TMEM269: variants seen among roughly 807,000 people sequenced by gnomAD.
TMEM269 encodes the protein transmembrane protein 269.
Under a neutral mutation model 15.8 loss-of-function variants are expected in TMEM269, and 12 were observed. The observed-to-expected ratio is 0.76, with a 90% CI of 0.49 to 1.23. TMEM269 has a LOEUF of 1.23. Ranked by LOEUF, TMEM269 falls within the 50% of genes most tolerant of loss-of-function variation. The probability of loss-of-function intolerance (pLI) is 0.00; values close to 1 mark genes in which losing one functional copy is unlikely to be tolerated. For synonymous variants in TMEM269, 93 were observed against 99.3 expected (o/e 0.94, Z 0.38); for missense variants, 211 against 245.4 (o/e 0.86, Z 0.94).
Position 42,800,401 on chromosome 1 carries a change from T to C in TMEM269, c.*2176T>C, listed in dbSNP as rs1653870230. On this transcript the variant is annotated 3_prime_UTR_variant, in exon 6 of 6. Coordinates refer to ENST00000637012, the MANE Select transcript of TMEM269 (RefSeq NM_001354602.2). ...GTTTTCTAAAATAGAATGTCTCTTC[T>C]TGGGCTTCCTCTTAGGAACAAGGGA... 1 of 152,248 alleles carries C rather than the reference T, an allele frequency of 6.6e-6. No homozygotes were observed. The highest frequency in any genetic ancestry group is 2.4e-5 in the African/African-American group (1 of 41,460). The allele number at this position is 152,248 out of a possible 1,614,324, so 9.4% of individuals were successfully genotyped here.
chr1:42,790,798 G>A (rs1570504451), intron 2 of TMEM269, among the ~76,000 whole-genome samples: 2 of 152,216 alleles, frequency 1.3e-5, no homozygotes, highest in Admixed American at 1.3e-4. Context: ...GGTGCCCTGA[G>A]TATTTTTATT....
intron 5 of TMEM269, chr1:42,796,830 G>T (rs781479311): frequency 6.6e-5 from 10 of 152,118 alleles, no homozygotes; most frequent in Non-Finnish European, 1.3e-4. Context: ...ACTCCTAGAA[G>T]TGGTCTTCTA....
In TMEM269 at chr1:42,788,922, C is replaced by CTTT. The variant is rs540411407; in HGVS notation, c.-98-858_-98-856dup. 7.3e-6 allele frequency among the ~76,000 whole-genome samples: 1 copy of CTTT among 136,882 alleles called. No individual in the cohort carries two copies. The allele number at this position is 136,882 out of a possible 152,430, so 89.8% of individuals were successfully genotyped here. On this transcript the variant is annotated intron_variant, in intron 1 of 5. Coordinates refer to ENST00000637012, the MANE Select transcript of TMEM269 (RefSeq NM_001354602.2). This position sits in a 1 kb window ranked among gnomAD's most constrained non-coding sequence, Gnocchi z 4.0. ...TTTGTGAACTATTCAGTGTTGTACA[C>CTTT]TTTTTTTTTTTTTTTTTTAGACAGA...
At chr1:42,794,043 A>T (rs1471784910) in intron 4 of TMEM269, among the ~76,000 whole-genome samples, 1 of 152,226 alleles carries the variant, frequency 6.6e-6, no homozygotes, top group African/African-American at 2.4e-5. Flanking sequence ...GTTGTATTCC[A>T]GTTCCTTAAA....
chr1:42,792,952 T>C, intron 3 of TMEM269, 50 bp downstream of exon 3: 1 of 1,416,064 alleles, frequency 7.1e-7, no homozygotes, highest in Non-Finnish European at 9.7e-7. Flanking sequence ...AGCATCCATC[T>C]GGGGTCACCC....
chr1:42,789,354 A>G, intron 1 of TMEM269: 1 of 1,268,646 alleles, frequency 7.9e-7, no homozygotes, highest in Non-Finnish European at 1.1e-6. Context: ...GTGAACTTGG[A>G]CTGTGGGACA....
chr1:42,792,660 TGAA>T (rs552764212), intron 2 of TMEM269, 142 bp from the exon 3 acceptor site: 63 of 644,044 alleles, frequency 9.8e-5, no homozygotes, highest in Admixed American at 1.5e-4. Context: ...GTGGGGGACA[TGAA>T]GAGGTGTGTA....
Position 42,789,824 on chromosome 1 carries a change from T to C in TMEM269, c.-70T>C. The C allele has an allele frequency of 6.5e-7, 1 of 1,549,148 alleles. No homozygotes were observed. The highest frequency in any genetic ancestry group is 1.2e-5 in the South Asian group (1 of 84,010). ...AGGGTACCAGTTTCTTCCTGAGCCA[T>C]GACCAGAGCCATTCCCAGATAAATG... On this transcript the variant is annotated 5_prime_UTR_variant, in exon 2 of 6. The change abolishes an upstream ATG in the 5' untranslated region. Transcript: ENST00000637012.
In TMEM269 at chr1:42,788,317, G is replaced by A. The variant is rs1338287891; in HGVS notation, c.-98-1479G>A. Among the ~76,000 whole-genome samples, 1 of 152,214 alleles carries A rather than the reference G, an allele frequency of 6.6e-6. No individual in the cohort carries two copies. The highest frequency in any genetic ancestry group is 1.5e-5 in the Non-Finnish European group (1 of 68,030). On this transcript the variant is annotated intron_variant, in intron 1 of 5. Transcript: ENST00000637012. This position sits in a 1 kb window ranked among gnomAD's most constrained non-coding sequence, Gnocchi z 4.0. ...TGGGTGAGGATTAAATGAGAAAACAGATCTGGGAACACCTTGAAACTTGTT... is the reference window on the plus strand; with the variant it reads ...TGGGTGAGGATTAAATGAGAAAACAAATCTGGGAACACCTTGAAACTTGTT...
rs1432207028 is a variant in TMEM269 at position 42,793,598 on chromosome 1, C to T, written c.140-3C>T. ...TCTTCTAACCTTGGGCCGTCTGGGG[C>T]AGGAGCCGAGCTGAATGACTTTGCC... On this transcript the variant is annotated splice_polypyrimidine_tract_variant and splice_region_variant and intron_variant, in intron 3 of 5. Coordinates refer to ENST00000637012, the MANE Select transcript of TMEM269 (RefSeq NM_001354602.2). 5.2e-6 allele frequency: 8 copies of T among 1,548,208 alleles called. No individual in the cohort carries two copies. The highest frequency in any genetic ancestry group is 1.7e-6 in the Non-Finnish European group (2 of 1,145,974).
At chr1:42,786,697 C>T (rs12061156) in intron 1 of TMEM269, among the ~76,000 whole-genome samples, 4,304 of 152,246 alleles carry the variant, frequency 0.028, 216 homozygotes, top group African/African-American at 0.098. Context: ...GTAGCCCGGT[C>T]GCCTCTTTTC....
intron 4 of TMEM269, 83 bp from the exon 5 acceptor site, chr1:42,794,329 AT>A: frequency 1.0e-6 from 1 of 981,452 alleles, no homozygotes; most frequent in Non-Finnish European, 1.5e-6. Flanking sequence ...GGGTAGGGGA[AT>A]ACCCAAAGAG....
At chr1:42,790,411 T>G (rs912046519) in intron 2 of TMEM269, among the ~76,000 whole-genome samples, 3 of 152,156 alleles carry the variant, frequency 2.0e-5, no homozygotes, top group South Asian at 2.1e-4. Context: ...TCTACTTGAT[T>G]GTCTATAACC....
chr1:42,796,538 C>CT (rs34771265), intron 5 of TMEM269: 74 of 143,486 alleles, frequency 5.2e-4, no homozygotes, highest in East Asian at 1.0e-3. Flanking sequence ...ATATGAAATA[C>CT]TTTTTTTTTT....
At position 42,798,306 on chromosome 1, in the gene TMEM269, T is replaced by C; in HGVS notation, c.*81T>C. 6.6e-7 allele frequency: 1 copy of C among 1,512,474 alleles called. No individual in the cohort carries two copies. The highest frequency in any genetic ancestry group is 1.2e-5 in the South Asian group (1 of 83,122). The allele number at this position is 1,512,474 out of a possible 1,614,324, so 93.7% of individuals were successfully genotyped here. ...TATTGGGTCAAGCCTGCACTAAAGC[T>C]TTGTATGTACCTGTGTTGCCATATA... On this transcript the variant is annotated 3_prime_UTR_variant, in exon 6 of 6. Transcript: ENST00000637012.
intron 2 of TMEM269, among the ~76,000 whole-genome samples, chr1:42,790,283 T>C (rs1026689396): frequency 4.6e-5 from 7 of 152,262 alleles, no homozygotes; most frequent in Non-Finnish European, 7.3e-5. Context: ...AGACATTATA[T>C]GTTCCCCCAA....
intron 1 of TMEM269, among the ~76,000 whole-genome samples, chr1:42,786,536 G>A (rs555057437): frequency 8.5e-5 from 13 of 152,332 alleles, no homozygotes; most frequent in South Asian, 8.3e-4. Context: ...CATACCAAAC[G>A]CAGGAGTTGG....
chr1:42,796,490 G>A (rs557968838), intron 5 of TMEM269: 3 of 151,848 alleles, frequency 2.0e-5, no homozygotes, highest in South Asian at 2.1e-4. Context: ...AGCTTCGTAC[G>A]TCTGAGAACT....
chr1:42,793,828 A>G, intron 4 of TMEM269, 84 bp downstream of exon 4: 1 of 1,431,314 alleles, frequency 7.0e-7, no homozygotes, highest in Non-Finnish European at 9.3e-7. Flanking sequence ...CCTGGGGTGC[A>G]GTTACTGACT....
Sources: allele counts gnomAD v4.1 joint callset (sites outside exome capture counted in the v4.1 genomes callset), GRCh38; gene constraint gnomAD v4.1.1; non-coding constraint Gnocchi (gnomAD v3.1); transcripts MANE v1.5; gene names NCBI Gene and HGNC (gene_info 2026-07-23, HGNC 2026-07-21).